The following CCNB2 variants were observed in gnomAD, a reference collection of about 807,000 sequenced individuals.
The protein encoded by CCNB2 is cyclin B2.
CCNB2 carries 39 observed loss-of-function variants against 51.1 expected under a neutral mutation model. That is an observed-to-expected ratio of 0.76 (90% confidence interval 0.59 to 1.00). CCNB2 has a LOEUF of 1.00. Ranked by LOEUF, CCNB2 falls within the 50% of genes least tolerant of loss-of-function variation. The pLI, the probability that CCNB2 is intolerant of heterozygous loss-of-function variation, is 0.00. For missense variants in CCNB2, 472 were observed against 470.3 expected (o/e 1.00, Z -0.03); for synonymous variants, 174 against 165.5 (o/e 1.05, Z -0.40).
chr15:59,110,023 A>C (rs2079251713), intron 3 of CCNB2, among the ~76,000 whole-genome samples: 3 of 152,086 alleles, frequency 2.0e-5, no homozygotes, highest in Admixed American at 2.0e-4. Flanking sequence ...AAAACAAAAA[A>C]CTTCAAACTT....
chr15:59,118,828 GA>G (rs1264874206), intron 7 of CCNB2, among the ~76,000 whole-genome samples: 1 of 152,226 alleles, frequency 6.6e-6, no homozygotes, highest in African/African-American at 2.4e-5. Context: ...ATTTTGCCAG[GA>G]CAGATCAGCT....
At chr15:59,107,914 G>A (rs28383500) in intron 3 of CCNB2, among the ~76,000 whole-genome samples, 1,987 of 152,226 alleles carry the variant, frequency 0.013, 23 homozygotes, top group Middle Eastern at 0.027. Context: ...CAGGAGGATC[G>A]CCTGAGGCCA....
Position 59,107,681 on chromosome 15 carries a change from C to A in CCNB2, c.267+11C>A. On this transcript the variant is annotated intron_variant, in intron 3 of 8. Transcript: ENST00000288207. ...AAGTTGGCTCCAAAGGTAGGAAGTTCTGAATTTACAAACGTATTTAATGAG... is the reference window on the plus strand; with the variant it reads ...AAGTTGGCTCCAAAGGTAGGAAGTTATGAATTTACAAACGTATTTAATGAG... 1 of 1,606,396 alleles carries A rather than the reference C, an allele frequency of 6.2e-7. No individual in the cohort carries two copies. Among genetic ancestry groups the A allele is most frequent in the Non-Finnish European group, 8.5e-7 (1 of 1,173,650 alleles).
intron 3 of CCNB2, among the ~76,000 whole-genome samples, chr15:59,110,893 T>G (rs1388929289): frequency 6.6e-6 from 1 of 152,230 alleles, no homozygotes; most frequent in Non-Finnish European, 1.5e-5. Flanking sequence ...GGCTTTCTAC[T>G]AGTCCCATGT....
chr15:59,118,305 C>G (rs1280282919), intron 7 of CCNB2, among the ~76,000 whole-genome samples: 1 of 152,106 alleles, frequency 6.6e-6, no homozygotes, highest in African/African-American at 2.4e-5. Context: ...TGTGGAGAAG[C>G]CAGTTCTAGA....
intron 3 of CCNB2, among the ~76,000 whole-genome samples, chr15:59,112,375 C>T (rs551919525): frequency 3.6e-4 from 54 of 150,564 alleles, no homozygotes; most frequent in African/African-American, 1.2e-3. Context: ...GACAGAGTCT[C>T]GCTCTGTCAC....
intron 8 of CCNB2, 151 bp from the exon 9 acceptor site, chr15:59,124,616 T>G (rs532479094): frequency 3.1e-6 from 2 of 655,174 alleles, no homozygotes; most frequent in Non-Finnish European, 5.5e-6. Context: ...GCACATGTTA[T>G]GAGCCCAGAG....
chr15:59,111,034 G>A (rs1344721465), intron 3 of CCNB2, among the ~76,000 whole-genome samples: 1 of 152,184 alleles, frequency 6.6e-6, no homozygotes, highest in Non-Finnish European at 1.5e-5. Context: ...GCTTATGAGA[G>A]GTACTGAGGA....
rs779993602 is a variant in CCNB2, at chr15:59,117,272, G to A, written c.879G>A (p.Leu293=). The A allele has an allele frequency of 1.1e-4, 171 of 1,613,320 alleles. No homozygotes were observed. The highest frequency in any genetic ancestry group is 1.4e-4 in the Non-Finnish European group (170 of 1,179,972). Residue 293 remains leucine (L), a synonymous_variant, in exon 7 of 9, where the codon CTG becomes CTA. Coordinates refer to ENST00000288207, the MANE Select transcript of CCNB2 (RefSeq NM_004701.4). ...CTTTAGCCAAGTATTTGATGGAGCT[G>A]ACTCTCATCGACTATGATATGGTGC... The part of the protein sequence containing the change: ...QHTLAKYLME[L]TLIDYDMVHY...
intron 7 of CCNB2, chr15:59,120,953 C>T (rs952822158): frequency 1.3e-5 from 2 of 151,962 alleles, no homozygotes; most frequent in African/African-American, 4.8e-5. Context: ...CTATTCATGC[C>T]CAAAATGTTT....
chr15:59,111,143 G>A (rs2079255827), intron 3 of CCNB2, among the ~76,000 whole-genome samples: 1 of 152,200 alleles, frequency 6.6e-6, no homozygotes, highest in Non-Finnish European at 1.5e-5. Flanking sequence ...ATGCTTTCAA[G>A]GAATTCTAAA....
At chr15:59,109,574 T>C (rs535658989) in intron 3 of CCNB2, among the ~76,000 whole-genome samples, 12 of 152,318 alleles carry the variant, frequency 7.9e-5, no homozygotes, top group African/African-American at 2.9e-4. Context: ...TATAACAATA[T>C]ATAAACAGTG....
chr15:59,112,900 GGAA>G, intron 3 of CCNB2, among the ~76,000 whole-genome samples: 1 of 151,790 alleles, frequency 6.6e-6, no homozygotes, highest in Non-Finnish European at 1.5e-5. Flanking sequence ...CGAGTGTGGT[GGAA>G]GGCGCCTGTA....
chr15:59,118,331 CT>C, intron 7 of CCNB2, among the ~76,000 whole-genome samples: 1 of 152,210 alleles, frequency 6.6e-6, no homozygotes, highest in Non-Finnish European at 1.5e-5. Flanking sequence ...GCTAAACAGT[CT>C]TCTAGTCTGC....
intron 8 of CCNB2, 69 bp from the exon 9 acceptor site, chr15:59,124,698 G>C: frequency 1.9e-6 from 2 of 1,043,286 alleles, no homozygotes; most frequent in Non-Finnish European, 3.0e-6. Flanking sequence ...TGATAATTGT[G>C]AGTTAGACTA....
intron 8 of CCNB2, chr15:59,124,339 G>C (rs1469351748): frequency 9.6e-6 from 2 of 208,884 alleles, no homozygotes; most frequent in Non-Finnish European, 2.0e-5. Flanking sequence ...GTTCAGTCCT[G>C]AGAGGACTGT....
intron 6 of CCNB2, 129 bp downstream of exon 6, chr15:59,117,055 G>A: frequency 3.1e-6 from 3 of 972,988 alleles, no homozygotes; most frequent in African/African-American, 3.3e-5. Context: ...TTCCTCATCA[G>A]TTCTTAAGAG....
rs2079239629 is a variant in CCNB2 at position 59,107,310 on chromosome 15, T to G, written c.25-12T>G. The G allele has an allele frequency of 6.4e-7, 1 of 1,567,108 alleles. No individual in the cohort carries two copies. The highest frequency in any genetic ancestry group is 8.6e-7 in the Non-Finnish European group (1 of 1,162,472). On this transcript the variant is annotated splice_polypyrimidine_tract_variant and intron_variant, in intron 1 of 8. Coordinates refer to ENST00000288207, the MANE Select transcript of CCNB2 (RefSeq NM_004701.4). ...CTTTCAAGGTTTCATTACTTTTTTT[T>G]TTTTTTTTCAGGTGTCCAGTGATTT...
chr15:59,105,412 G>A, intron 1 of CCNB2, 120 bp downstream of exon 1: 1 of 1,136,682 alleles, frequency 8.8e-7, no homozygotes, highest in Non-Finnish European at 1.2e-6. Flanking sequence ...CTCTTCTCCG[G>A]AGCTCACTGC....
Sources: gnomAD v4.1 joint callset for allele counts (sites outside exome capture counted in the v4.1 genomes callset) on GRCh38, gnomAD v4.1.1 for gene constraint, MANE v1.5 for transcripts, NCBI Gene and HGNC (gene_info 2026-07-23, HGNC 2026-07-21) for gene names.